The following BMERB1 variants were observed in gnomAD, a reference collection of about 807,000 sequenced individuals.
BMERB1 encodes the protein bMERB domain containing 1, also known as bMERB domain-containing protein 1.
A neutral mutation model predicts 23.6 loss-of-function variants in BMERB1; 12 were observed. The observed-to-expected ratio is 0.51, with a 90% CI of 0.33 to 0.82. The LOEUF is 0.82. BMERB1 is among the 40% of genes least tolerant of loss of function. The pLI, the probability that BMERB1 is intolerant of heterozygous loss-of-function variation, is 0.03. For synonymous variants in BMERB1, 122 were observed against 96.6 expected (o/e 1.26, Z -1.54); for missense variants, 247 against 255.4 (o/e 0.97, Z 0.22).
intron 2 of BMERB1, among the ~76,000 whole-genome samples, chr16:15,527,026 T>C (rs58184886): frequency 2.0e-5 from 3 of 150,636 alleles, no homozygotes; most frequent in East Asian, 3.9e-4. Flanking sequence ...AAACATTTTA[T>C]GCACACTTAT....
At chr16:15,556,562 C>A (rs1360140742) in intron 2 of BMERB1, among the ~76,000 whole-genome samples, 1 of 151,904 alleles carries the variant, frequency 6.6e-6, no homozygotes, top group Admixed American at 6.6e-5. Flanking sequence ...TCATCTAAAC[C>A]CCTCATCTTA....
At position 15,442,689 on chromosome 16, in the gene BMERB1, G is replaced by A. The variant is rs111779815; in HGVS notation, c.106+7930G>A. ...TATTAAATTCTCATAACAGCCCTAT[G>A]ACATAAGGAGAATTATTATTCCCAT... On this transcript the variant is annotated intron_variant, in intron 1 of 5. Coordinates refer to ENST00000300006, the MANE Select transcript of BMERB1 (RefSeq NM_033201.3). Among the ~76,000 whole-genome samples, 810 of 152,232 alleles carry A rather than the reference G, an allele frequency of 5.3e-3. 3 individuals carry two copies. The highest frequency in any genetic ancestry group is 7.0e-3 in the Non-Finnish European group (479 of 68,022).
intron 2 of BMERB1, among the ~76,000 whole-genome samples, chr16:15,566,743 C>T (rs1302950216): frequency 6.6e-6 from 1 of 151,922 alleles, no homozygotes; most frequent in Non-Finnish European, 1.5e-5. Flanking sequence ...TATGCAGCCA[C>T]TAAATATGTG....
At chr16:15,552,711 T>G (rs745583766) in intron 2 of BMERB1, among the ~76,000 whole-genome samples, 1 of 152,222 alleles carries the variant, frequency 6.6e-6, no homozygotes, top group Non-Finnish European at 1.5e-5. Flanking sequence ...CCTTGGTAGC[T>G]GGCCTATGTC....
intron 2 of BMERB1, among the ~76,000 whole-genome samples, chr16:15,539,390 C>G (rs975834836): frequency 2.0e-5 from 3 of 152,164 alleles, no homozygotes; most frequent in African/African-American, 7.2e-5. Context: ...CCACTCACCT[C>G]CTGCTGTGCG....
At position 15,582,960 on chromosome 16, in the gene BMERB1, T is replaced by C. The variant is rs2031053232; in HGVS notation, c.420-196T>C. ...TACCTCTGGGTAAGCATTTACCCCATCATTGATATGTGTCTCTGGTTCAGA... is the reference window on the plus strand; with the variant it reads ...TACCTCTGGGTAAGCATTTACCCCACCATTGATATGTGTCTCTGGTTCAGA... On this transcript the variant is annotated intron_variant, in intron 4 of 5. Coordinates refer to ENST00000300006, the MANE Select transcript of BMERB1 (RefSeq NM_033201.3). Among the ~76,000 whole-genome samples, 4 of 152,190 alleles carry C rather than the reference T, an allele frequency of 2.6e-5. 1 individual carries two copies. In the South Asian group the frequency reaches 8.3e-4, roughly 32 times the overall value.
intron 2 of BMERB1, among the ~76,000 whole-genome samples, chr16:15,543,376 C>A (rs890829054): frequency 6.6e-6 from 1 of 152,100 alleles, no homozygotes; most frequent in Admixed American, 6.5e-5. Flanking sequence ...GGTGTGAAAA[C>A]AGGAATGCCT....
At chr16:15,452,799 C>G (rs550512540) in intron 1 of BMERB1, among the ~76,000 whole-genome samples, 1 of 152,096 alleles carries the variant, frequency 6.6e-6, no homozygotes, top group East Asian at 1.9e-4. Context: ...ATCGGACCAG[C>G]TAGGATCAAG....
At chr16:15,484,179 A>T (rs1342086267) in intron 1 of BMERB1, among the ~76,000 whole-genome samples, 1 of 152,126 alleles carries the variant, frequency 6.6e-6, no homozygotes, top group Non-Finnish European at 1.5e-5. Flanking sequence ...CATCATCCAA[A>T]CACCTCTCAA....
chr16:15,482,851 A>G (rs1195344815), intron 1 of BMERB1, among the ~76,000 whole-genome samples: 3 of 152,322 alleles, frequency 2.0e-5, no homozygotes, highest in Middle Eastern at 3.4e-3. Context: ...TGATGCTTCA[A>G]GCTTTACATG....
chr16:15,436,761 C>G (rs946719469), intron 1 of BMERB1, among the ~76,000 whole-genome samples: 1 of 151,954 alleles, frequency 6.6e-6, no homozygotes, highest in African/African-American at 2.4e-5. Flanking sequence ...TTGTTTCTTA[C>G]AAGCTCAAAA....
At chr16:15,572,223 G>A (rs2030746631) in intron 3 of BMERB1, among the ~76,000 whole-genome samples, 1 of 150,478 alleles carries the variant, frequency 6.6e-6, no homozygotes, top group South Asian at 2.1e-4. Flanking sequence ...TTGGGAAAAT[G>A]AGGCCAATAA....
At chr16:15,525,518 A>C (rs886626046) in intron 2 of BMERB1, among the ~76,000 whole-genome samples, 1 of 152,090 alleles carries the variant, frequency 6.6e-6, no homozygotes, top group Non-Finnish European at 1.5e-5. Flanking sequence ...CAGCCTGGCC[A>C]ATGTGGTGAA....
intron 1 of BMERB1, among the ~76,000 whole-genome samples, chr16:15,436,146 G>C (rs547345068): frequency 6.6e-6 from 1 of 151,812 alleles, no homozygotes; most frequent in South Asian, 2.1e-4. Flanking sequence ...GGGTAAACGG[G>C]GTATCCAAAA....
Position 15,469,047 on chromosome 16 carries a change from A to G in BMERB1, c.106+34288A>G, listed in dbSNP as rs138107952. Among the ~76,000 whole-genome samples, 722 of 148,846 alleles carry G rather than the reference A, an allele frequency of 4.9e-3. 2 individuals carry two copies. Among genetic ancestry groups the G allele is most frequent in the Non-Finnish European group, 7.4e-3 (498 of 67,716 alleles). Reference sequence around the variant, plus strand: ...CGGTGGTGCAGTCACAGCTCACTGCAACCTCCACCTCCTGGGTTCAAGTGA... The same window carrying G: ...CGGTGGTGCAGTCACAGCTCACTGCGACCTCCACCTCCTGGGTTCAAGTGA... On this transcript the variant is annotated intron_variant, in intron 1 of 5. Transcript: ENST00000300006.
chr16:15,477,226 G>A (rs531476402), intron 1 of BMERB1, among the ~76,000 whole-genome samples: 21 of 152,196 alleles, frequency 1.4e-4, no homozygotes, highest in Non-Finnish European at 2.6e-4. Context: ...TTCATAGGGC[G>A]GCAGGAGAGA....
chr16:15,448,987 TAA>T (rs1567450074), intron 1 of BMERB1, among the ~76,000 whole-genome samples: 3 of 152,110 alleles, frequency 2.0e-5, no homozygotes, highest in Non-Finnish European at 4.4e-5. Context: ...TTACACACCT[TAA>T]ATTTTTGATT....
At chr16:15,447,649 C>T (rs2051001221) in intron 1 of BMERB1, among the ~76,000 whole-genome samples, 1 of 152,086 alleles carries the variant, frequency 6.6e-6, no homozygotes, top group Admixed American at 6.6e-5. Context: ...CTGATAGTAT[C>T]TGAATAGTTG....
At chr16:15,502,716 A>C (rs1469224155) in intron 1 of BMERB1, among the ~76,000 whole-genome samples, 1 of 152,060 alleles carries the variant, frequency 6.6e-6, no homozygotes, top group Non-Finnish European at 1.5e-5. Context: ...TTGGGATTCA[A>C]GACTCTCTTT....
Sources: gnomAD v4.1 joint callset for allele counts (sites outside exome capture counted in the v4.1 genomes callset) on GRCh38, gnomAD v4.1.1 for gene constraint, MANE v1.5 for transcripts, NCBI Gene and HGNC (gene_info 2026-07-23, HGNC 2026-07-21) for gene names.